PARP14: variants seen among roughly 807,000 people sequenced by gnomAD.
PARP14 encodes the protein poly(ADP-ribose) polymerase family member 14, also known as protein mono-ADP-ribosyltransferase PARP14.
A neutral mutation model predicts 154.2 loss-of-function variants in PARP14; 59 were observed. That is an observed-to-expected ratio of 0.38 (90% confidence interval 0.31 to 0.48). The LOEUF (loss-of-function observed/expected upper bound fraction) is 0.48. Among genes scored for constraint, PARP14 ranks in the 20% least tolerant of loss-of-function variants. PARP14 has a pLI of 0.98. For missense variants in PARP14, 1,734 were observed against 2,131.6 expected, an observed-to-expected ratio of 0.81 and a Z score of 3.67; for synonymous variants, 720 against 780.5, an observed-to-expected ratio of 0.92 and a Z score of 1.29.
intron 11 of PARP14, 79 bp from the exon 12 acceptor site, chr3:122,714,183 A>G: frequency 8.4e-7 from 1 of 1,183,556 alleles, no homozygotes. Context: ...CTTACTTGCC[A>G]AGTTATACAT....
intron 10 of PARP14, 132 bp downstream of exon 10, chr3:122,713,705 C>A: frequency 1.1e-6 from 1 of 917,816 alleles, no homozygotes; most frequent in South Asian, 1.7e-5. Context: ...CAGGGTTTTC[C>A]ATAATTAATA....
intron 15 of PARP14, among the ~76,000 whole-genome samples, chr3:122,724,202 A>T (rs1933227268): frequency 6.6e-6 from 1 of 152,110 alleles, no homozygotes; most frequent in South Asian, 2.1e-4. Context: ...GAGAAACCAA[A>T]AGTCGTGTGT....
intron 11 of PARP14, 48 bp from the exon 12 acceptor site, chr3:122,714,214 C>T (rs772780291): frequency 7.4e-6 from 11 of 1,483,088 alleles, no homozygotes; most frequent in African/African-American, 2.9e-5. Flanking sequence ...AAACAAATGA[C>T]GGGTTCAACT....
intron 15 of PARP14, among the ~76,000 whole-genome samples, chr3:122,725,176 T>G (rs1933257693): frequency 1.3e-5 from 2 of 152,128 alleles, no homozygotes; most frequent in Non-Finnish European, 2.9e-5. Context: ...AGCTGTTGGG[T>G]ACACCTCCCA....
rs1454420437 is a variant in PARP14, at chr3:122,726,624, T to A, written c.4942-1188T>A. ...TTTAAGATTTATTTGCAATTTTTTT[T>A]ACCTTAGAATTTATCCCATGAGAAA... On this transcript the variant is annotated intron_variant, in intron 15 of 16. Coordinates refer to ENST00000474629, the MANE Select transcript of PARP14 (RefSeq NM_017554.3). Among the ~76,000 whole-genome samples the A allele has an allele frequency of 3.9e-5, 6 of 152,328 alleles. No homozygotes were observed. The East Asian group carries it at 1.2e-3, about 29-fold the overall frequency.
intron 1 of PARP14, among the ~76,000 whole-genome samples, chr3:122,683,837 G>T (rs1379913963): frequency 4.6e-5 from 7 of 152,138 alleles, no homozygotes; most frequent in Non-Finnish European, 8.8e-5. Flanking sequence ...CAAAGTCTAG[G>T]GAATAAGAAA....
rs1939089449 is a variant in PARP14 at position 122,704,568 on chromosome 3, G to A, written c.3360G>A (p.Glu1120=). Residue 1120 remains glutamate (E), a synonymous_variant, in exon 8 of 17, where the codon GAG becomes GAA. Transcript: ENST00000474629. ...DIIRECMEIT[E]SLSLKSIAFP... ...TCAGAGAATGTATGGAGATCACTGA[G>A]AGCTTGTCCTTAAAATCAATTGCAT... The A allele has an allele frequency of 4.4e-6, 7 of 1,608,622 alleles. No individual in the cohort carries two copies. Among genetic ancestry groups the A allele is most frequent in the Non-Finnish European group, 5.9e-6 (7 of 1,177,142 alleles).
At chr3:122,691,462 C>G (rs541887218) in intron 3 of PARP14, among the ~76,000 whole-genome samples, 6 of 152,186 alleles carry the variant, frequency 3.9e-5, no homozygotes, top group Non-Finnish European at 7.3e-5. Flanking sequence ...ATACAGCAGG[C>G]CTTGGCCATT....
rs370727990 is a variant in PARP14 at position 122,708,171 on chromosome 3, C to T, written c.3541-19C>T. The T allele has an allele frequency of 7.7e-5, 107 of 1,395,218 alleles. No homozygotes were observed. The highest frequency in any genetic ancestry group is 9.9e-5 in the South Asian group (8 of 80,864). 86.4% of individuals were successfully genotyped at this position (1,395,218 alleles called of 1,614,324 possible). A position where few individuals can be genotyped will look rare whatever the true frequency, so the allele number is the denominator to read the frequency against. On this transcript the variant is annotated intron_variant, in intron 8 of 16. Transcript: ENST00000474629. ...ATTTACTGAGGAGTGTAATGATCAA[C>T]GCTGTGTTTATATTTCAGGCATTTT...
At chr3:122,714,040 T>C in intron 11 of PARP14, 106 bp downstream of exon 11, 1 of 878,968 alleles carries the variant, frequency 1.1e-6, no homozygotes, top group South Asian at 1.5e-5. Flanking sequence ...AATTTTAAAA[T>C]GATACATTTT....
intron 8 of PARP14, 70 bp downstream of exon 8, chr3:122,704,818 C>A: frequency 1.3e-6 from 1 of 796,842 alleles, no homozygotes; most frequent in Non-Finnish European, 2.0e-6. Context: ...TCTTTTTGGT[C>A]TAACAGGATA....
Position 122,685,219 on chromosome 3 carries a change from G to C in PARP14, c.222G>C (p.Glu74Asp). ...AGGTTCTGGAGAGAAAAAATCATGA[G>C]TTGGTATGGCAAGGAAAAGGAACAT... ...RQKVLERKNH[E>D]LVWQGKGTFK... The change falls in exon 2 of 17, where the codon GAG becomes GAC. Residue 74 changes from glutamate (E) to aspartate (D), a missense_variant. Around this residue, in one of 2 missense-constraint regions of PARP14, gnomAD observed 1,646 missense variants for 1,976.0 expected, o/e 0.83. Transcript: ENST00000474629. 1 of 1,613,900 alleles carries C rather than the reference G, an allele frequency of 6.2e-7. No individual in the cohort carries two copies. The highest frequency in any genetic ancestry group is 1.3e-5 in the African/African-American group (1 of 75,024).
intron 1 of PARP14, among the ~76,000 whole-genome samples, chr3:122,684,490 A>G (rs1218746775): frequency 6.6e-6 from 1 of 152,228 alleles, no homozygotes; most frequent in Non-Finnish European, 1.5e-5. Context: ...AAGTTAAGGT[A>G]TTCACTCAGC....
At chr3:122,721,847 G>T (rs1016454441) in intron 15 of PARP14, 1 of 152,042 alleles carries the variant, frequency 6.6e-6, no homozygotes, top group Non-Finnish European at 1.5e-5. Flanking sequence ...AATTTAAAAA[G>T]ATTCAAAGTG....
chr3:122,727,693 G>A (rs1425288029), intron 15 of PARP14, 119 bp from the exon 16 acceptor site: 2 of 546,628 alleles, frequency 3.7e-6, no homozygotes, highest in Non-Finnish European at 6.2e-6. Flanking sequence ...CTGCCGTCTG[G>A]CATTGGATTT....
At position 122,701,111 on chromosome 3, in the gene PARP14, G is replaced by A; in HGVS notation, c.2557G>A (p.Val853Met). 2 of 1,614,008 alleles carry A rather than the reference G, an allele frequency of 1.2e-6. No individual in the cohort carries two copies. Among genetic ancestry groups the A allele is most frequent in the Non-Finnish European group, 1.7e-6 (2 of 1,179,892 alleles). ...PELQADCDQI[V>M]KREGRLLPGN... ...GCTCCAGGCCGACTGTGACCAGATA[G>A]TGAAGAGAGAGGGCAGACTCCTACC... Residue 853 changes from valine (V) to methionine (M), a missense_variant, in exon 6 of 17, where the codon GTG (valine) becomes ATG (methionine). Coordinates refer to ENST00000474629, the MANE Select transcript of PARP14 (RefSeq NM_017554.3). This position sits in a 1 kb window ranked among gnomAD's most constrained non-coding sequence, Gnocchi z 4.0.
intron 15 of PARP14, chr3:122,721,922 A>G (rs959233776): frequency 1.8e-4 from 28 of 152,256 alleles, no homozygotes; most frequent in African/African-American, 6.5e-4. Context: ...GGTTAAAGAG[A>G]AAAGAATGGC....
rs768844769 is a variant in PARP14 at position 122,718,397 on chromosome 3, A to G, written c.4246A>G (p.Asn1416Asp). The change falls in exon 14 of 17, where the codon AAT (asparagine) becomes GAT (aspartate). Residue 1416 changes from asparagine (N) to aspartate (D), a missense_variant. Around this residue, in one of 2 missense-constraint regions of PARP14, gnomAD observed 1,646 missense variants for 1,976.0 expected, o/e 0.83. Transcript: ENST00000474629. ...GFSKQSPQKK[N>D]HLVLEKKTES... The stretch of plus-strand genomic sequence containing the variant: ...TTCAAAGCAATCTCCCCAAAAAAAG[A>G]ATCATTTGGTTTTGGAAAAGAAAAC... 17 of 1,612,416 alleles carry G rather than the reference A, an allele frequency of 1.1e-5. No homozygotes were observed. In the South Asian group the frequency reaches 1.9e-4, roughly 18 times the overall value.
intron 3 of PARP14, 100 bp downstream of exon 3, chr3:122,687,213 T>A (rs17270151): frequency 0.059 from 47,264 of 802,500 alleles, 1,751 homozygotes; most frequent in Middle Eastern, 0.078. Flanking sequence ...TGACTTCCAC[T>A]ATGCAGGATG....
Sources: allele counts gnomAD v4.1 joint callset (sites outside exome capture counted in the v4.1 genomes callset), GRCh38; gene constraint gnomAD v4.1.1; regional missense constraint gnomAD v4.1.1; non-coding constraint Gnocchi (gnomAD v3.1); transcripts MANE v1.5; gene names NCBI Gene and HGNC (gene_info 2026-07-23, HGNC 2026-07-21).